Variants in HERC5 observed in about 807,000 individuals in gnomAD.
The protein encoded by HERC5 is HECT and RLD domain containing E3 ubiquitin protein ligase 5, also known as E3 ISG15--protein ligase HERC5.
HERC5 carries 99 observed loss-of-function variants against 119.6 expected under a neutral mutation model. The ratio of observed to expected loss-of-function variants is 0.83; its 90% confidence interval spans 0.70 to 0.98. The LOEUF is 0.98. HERC5 is among the 50% of genes least tolerant of loss of function. The pLI, the probability that HERC5 is intolerant of heterozygous loss-of-function variation, is 0.00. For missense variants in HERC5, 1,267 were observed against 1,241.3 expected, an observed-to-expected ratio of 1.02 and a Z score of -0.31; for synonymous variants, 478 against 445.9, an observed-to-expected ratio of 1.07 and a Z score of -0.91.
chr4:88,474,504 CTAA>C (rs1369701512), intron 11 of HERC5, among the ~76,000 whole-genome samples: 1 of 152,164 alleles, frequency 6.6e-6, no homozygotes, highest in African/African-American at 2.4e-5. Context: ...TGCGTGTGTA[CTAA>C]TAAGATGTTG....
intron 9 of HERC5, among the ~76,000 whole-genome samples, chr4:88,469,660 C>T (rs1020956245): frequency 6.6e-6 from 1 of 152,302 alleles, no homozygotes; most frequent in South Asian, 2.1e-4. Context: ...GAGGCTCACT[C>T]ACATTATGGA....
chr4:88,475,958 A>G lies in HERC5; in HGVS notation c.1510A>G (p.Asn504Asp), dbSNP rs1008360752. 1 of 1,614,044 alleles carries G rather than the reference A, an allele frequency of 6.2e-7. No individual in the cohort carries two copies. The highest frequency in any genetic ancestry group is 1.3e-5 in the African/African-American group (1 of 75,046). Residue 504 changes from asparagine to aspartate, a missense_variant, in exon 12 of 23, where the codon AAC becomes GAC. Coordinates refer to ENST00000264350, the MANE Select transcript of HERC5 (RefSeq NM_016323.4). Reference protein sequence around the residue: ...PECPMMHISNNWESLVVPFAK... With the variant: ...PECPMMHISNDWESLVVPFAK... ...ATGTCCTATGATGCATATTTCCAAC[A>G]ACTGGGAGAGCCTTGTGGTTCCATT...
chr4:88,490,775 G>A (rs1210579866), intron 16 of HERC5, among the ~76,000 whole-genome samples: 1 of 152,158 alleles, frequency 6.6e-6, no homozygotes, highest in East Asian at 1.9e-4. Context: ...AACCCAGGAG[G>A]TGGAGGTTGC....
At chr4:88,463,675 A>G in intron 5 of HERC5, 52 bp downstream of exon 5, 3 of 1,510,412 alleles carry the variant, frequency 2.0e-6, no homozygotes, top group South Asian at 1.1e-5. Context: ...AACAGTTTGT[A>G]TGGGAAGTTA....
chr4:88,482,879 G>C (rs1401389175), intron 13 of HERC5, among the ~76,000 whole-genome samples: 2 of 151,944 alleles, frequency 1.3e-5, no homozygotes, highest in Non-Finnish European at 2.9e-5. Flanking sequence ...GATCTGCCTG[G>C]CTCTGCCTCC....
chr4:88,457,872 C>T, intron 1 of HERC5: 1 of 1,059,546 alleles, frequency 9.4e-7, no homozygotes, highest in Non-Finnish European at 1.1e-6. Context: ...CCGCCCGCCG[C>T]ATCTCCCACT....
intron 1 of HERC5, chr4:88,457,785 C>A: frequency 3.0e-6 from 2 of 663,718 alleles, no homozygotes; most frequent in Non-Finnish European, 4.2e-6. Context: ...CGGTGCGGGG[C>A]ATGCGGGCAC....
intron 18 of HERC5, 87 bp downstream of exon 18, chr4:88,494,418 T>C: frequency 1.9e-6 from 2 of 1,071,948 alleles, no homozygotes; most frequent in Non-Finnish European, 2.7e-6. Flanking sequence ...AATATTTCCA[T>C]GTTCAACAGC....
Position 88,463,988 on chromosome 4 carries a change from A to G in HERC5, c.911+3A>G. 1 of 1,610,442 alleles carries G rather than the reference A, an allele frequency of 6.2e-7. No homozygotes were observed. Among genetic ancestry groups the G allele is most frequent in the East Asian group, 2.2e-5 (1 of 44,802 alleles). ...GTGACTCAGATAGCATGTGGAAGGT[A>G]AGTTGTAAAGTATCAATAAGAATTG... On this transcript the variant is annotated splice_donor_region_variant and intron_variant, in intron 6 of 22. Transcript: ENST00000264350.
chr4:88,495,226 G>A (rs1741764504), intron 18 of HERC5, among the ~76,000 whole-genome samples: 1 of 152,054 alleles, frequency 6.6e-6, no homozygotes, highest in Non-Finnish European at 1.5e-5. Context: ...TTATGCAAAT[G>A]GAATACTACA....
At chr4:88,502,124 G>C (rs1453537797) in intron 20 of HERC5, among the ~76,000 whole-genome samples, 1 of 151,940 alleles carries the variant, frequency 6.6e-6, no homozygotes, top group South Asian at 2.1e-4. Flanking sequence ...GACCGACATA[G>C]TGTATTTCAA....
At chr4:88,485,646 G>T (rs563763522) in intron 13 of HERC5, among the ~76,000 whole-genome samples, 1 of 152,114 alleles carries the variant, frequency 6.6e-6, no homozygotes, top group African/African-American at 2.4e-5. Context: ...ACATGCCAGG[G>T]TGTTCATGTG....
In HERC5 at chr4:88,504,482, G is replaced by C. The variant is rs1380448358; in HGVS notation, c.2767-13G>C. 6.4e-7 allele frequency: 1 copy of C among 1,566,436 alleles called. No individual in the cohort carries two copies. The highest frequency in any genetic ancestry group is 8.7e-7 in the Non-Finnish European group (1 of 1,155,388). The stretch of plus-strand genomic sequence containing the variant: ...CCTATTTCCTCAATAACTTTTTTTT[G>C]TATTTTCTCTAGAATGCACGTTATG... On this transcript the variant is annotated splice_polypyrimidine_tract_variant and intron_variant, in intron 21 of 22. Coordinates refer to ENST00000264350, the MANE Select transcript of HERC5 (RefSeq NM_016323.4).
chr4:88,505,744 G>A lies in HERC5; in HGVS notation c.2941G>A (p.Glu981Lys), dbSNP rs1404859336. 6.2e-7 allele frequency: 1 copy of A among 1,605,364 alleles called. No individual in the cohort carries two copies. Among genetic ancestry groups the A allele is most frequent in the East Asian group, 2.2e-5 (1 of 44,822 alleles). ...NNMKITFCCP[E>K]SWNERDPIRA... ...TATGAAAATAACATTTTGCTGTCCT[G>A]AAAGTTGGAATGAAAGAGACCCTAT... The change falls in exon 23 of 23, where the codon GAA becomes AAA. Residue 981 changes from glutamate to lysine, a missense_variant. By Grantham distance (56) the Glu-to-Lys change is moderately conservative. This residue lies in a region of HERC5 where 473 missense variants were observed against 445.7 expected (regional missense o/e 1.06). Coordinates refer to ENST00000264350, the MANE Select transcript of HERC5 (RefSeq NM_016323.4).
At chr4:88,504,185 G>A (rs778787986) in intron 20 of HERC5, 47 bp from the exon 21 acceptor site, 4 of 1,277,824 alleles carry the variant, frequency 3.1e-6, no homozygotes, top group Admixed American at 3.9e-5. Context: ...TCACCATTTT[G>A]TTCAGGATAT....
chr4:88,499,835 A>C, intron 18 of HERC5, 91 bp from the exon 19 acceptor site: 2 of 880,860 alleles, frequency 2.3e-6, no homozygotes, highest in Non-Finnish European at 3.8e-6. Flanking sequence ...TCATACCTTC[A>C]GAATAGCTAT....
chr4:88,470,990 A>G (rs1007827848), intron 10 of HERC5, among the ~76,000 whole-genome samples: 3 of 150,190 alleles, frequency 2.0e-5, no homozygotes, highest in African/African-American at 7.4e-5. Flanking sequence ...TTTTTTTGAG[A>G]CAGGGTCTTG....
Position 88,460,088 on chromosome 4 carries a change from T to TC in HERC5, c.390-6dup. The TC allele has an allele frequency of 6.8e-7, 1 of 1,477,300 alleles. No homozygotes were observed. The highest frequency in any genetic ancestry group is 9.4e-7 in the Non-Finnish European group (1 of 1,058,742). 91.5% of individuals were successfully genotyped at this position (1,477,300 alleles called of 1,614,324 possible). On this transcript the variant is annotated splice_region_variant and splice_polypyrimidine_tract_variant and intron_variant, in intron 2 of 22. Transcript: ENST00000264350. Reference sequence around the variant, plus strand: ...TGATTAACACAAAGTGTATTTTCCTTCATCAGGTTTGAAAGCATTTTACAA... The same window carrying TC: ...TGATTAACACAAAGTGTATTTTCCTTCCATCAGGTTTGAAAGCATTTTACAA...
chr4:88,482,530 T>G (rs1201208192), intron 13 of HERC5, among the ~76,000 whole-genome samples: 1 of 152,086 alleles, frequency 6.6e-6, no homozygotes, highest in African/African-American at 2.4e-5. Flanking sequence ...GTGACATAGT[T>G]CACTCTCTAG....
Sources: gnomAD v4.1 joint callset for allele counts (sites outside exome capture counted in the v4.1 genomes callset) on GRCh38, gnomAD v4.1.1 for gene constraint, gnomAD v4.1.1 regional missense constraint, MANE v1.5 for transcripts, NCBI Gene and HGNC (gene_info 2026-07-23, HGNC 2026-07-21) for gene names.